Variants in TMPRSS4 observed in about 807,000 individuals in gnomAD.
TMPRSS4 encodes transmembrane protease serine 4.
A neutral mutation model predicts 56.4 loss-of-function variants in TMPRSS4; 45 were observed. That is an observed-to-expected ratio of 0.80 (90% confidence interval 0.63 to 1.02). TMPRSS4 has a LOEUF of 1.02. TMPRSS4 is among the 50% of genes least tolerant of loss of function. The pLI is 0.00. For synonymous variants in TMPRSS4, 205 were observed against 211.0 expected (o/e 0.97, Z 0.25); for missense variants, 546 against 556.7 (o/e 0.98, Z 0.19).
chr11:118,077,143 C>G lies in TMPRSS4; in HGVS notation c.-160C>G. On this transcript the variant is annotated 5_prime_UTR_variant, in exon 1 of 13. Transcript: ENST00000437212. ...GGACAAGGATGCTGGGCGTGAGGGA[C>G]CAAGGCCTGCCCTGCACTCGGGCCT... is the stretch of plus-strand genomic sequence containing the variant. The G allele has an allele frequency of 1.3e-6, 1 of 756,272 alleles. No individual in the cohort carries two copies. The highest frequency in any genetic ancestry group is 3.1e-5 in the Admixed American group (1 of 32,306). 46.8% of individuals were successfully genotyped at this position (756,272 alleles called of 1,614,324 possible).
At chr11:118,088,829 T>C (rs1305756664) in intron 1 of TMPRSS4, among the ~76,000 whole-genome samples, 2 of 152,236 alleles carry the variant, frequency 1.3e-5, no homozygotes, top group Non-Finnish European at 2.9e-5. Context: ...TTTGGTGACC[T>C]CTCAACTTCC....
At chr11:118,101,525 G>C (rs762141228) in intron 3 of TMPRSS4, among the ~76,000 whole-genome samples, 4 of 152,148 alleles carry the variant, frequency 2.6e-5, no homozygotes, top group Non-Finnish European at 4.4e-5. Flanking sequence ...TCCCAGGCTA[G>C]AGTGTAATCG....
intron 1 of TMPRSS4, among the ~76,000 whole-genome samples, chr11:118,091,176 A>C (rs1021867527): frequency 2.0e-5 from 3 of 152,044 alleles, no homozygotes; most frequent in Non-Finnish European, 4.4e-5. Context: ...CACCCAATCC[A>C]TCGGCGAGGC....
At chr11:118,102,572 G>A (rs1241401483) in intron 3 of TMPRSS4, among the ~76,000 whole-genome samples, 3 of 152,204 alleles carry the variant, frequency 2.0e-5, no homozygotes, top group Non-Finnish European at 1.5e-5. Flanking sequence ...AGCCAAGTGT[G>A]GTGGCATGTG....
intron 1 of TMPRSS4, among the ~76,000 whole-genome samples, chr11:118,078,569 G>A (rs144788575): frequency 1.2e-3 from 189 of 152,300 alleles, no homozygotes; most frequent in African/African-American, 4.3e-3. Flanking sequence ...CCAAGGAGGC[G>A]CCCCAAAGTT....
chr11:118,107,706 C>A, intron 5 of TMPRSS4, 68 bp from the exon 6 acceptor site: 1 of 1,370,770 alleles, frequency 7.3e-7, no homozygotes, highest in Non-Finnish European at 1.0e-6. Flanking sequence ...AAGTGGGGGC[C>A]AACTCTACCA....
chr11:118,096,828 A>G (rs752992651), intron 2 of TMPRSS4, among the ~76,000 whole-genome samples: 1,140 of 19,476 alleles, frequency 0.059, 458 homozygotes, highest in Non-Finnish European at 0.077. Flanking sequence ...AGAAAGAGAG[A>G]AAGAAAGAAG....
intron 4 of TMPRSS4, among the ~76,000 whole-genome samples, chr11:118,104,415 T>C (rs971461947): frequency 6.6e-6 from 1 of 151,932 alleles, no homozygotes. Context: ...CTGATACCTG[T>C]AAGAGCAAAA....
intron 11 of TMPRSS4, among the ~76,000 whole-genome samples, chr11:118,116,028 T>C (rs1947531088): frequency 1.9e-5 from 2 of 106,458 alleles, no homozygotes; most frequent in South Asian, 2.5e-4. Context: ...CCCGGCCTCA[T>C]TGGCCATCAG....
chr11:118,092,866 G>C (rs1049687157), intron 1 of TMPRSS4, among the ~76,000 whole-genome samples: 8 of 152,222 alleles, frequency 5.3e-5, no homozygotes, highest in Non-Finnish European at 1.2e-4. Flanking sequence ...GAGGGCAGAG[G>C]AAAGAGAGTT....
chr11:118,077,944 C>T (rs1367534466), intron 1 of TMPRSS4, among the ~76,000 whole-genome samples: 5 of 125,914 alleles, frequency 4.0e-5, no homozygotes, highest in East Asian at 2.7e-4. Flanking sequence ...ACTTGGGAGG[C>T]GGAGGTTGTG....
rs1046510311 is a variant in TMPRSS4 at position 118,121,569 on chromosome 11, G to A, written c.*3656G>A. 2.6e-5 allele frequency: 4 copies of A among 152,180 alleles called. No homozygotes were observed. The highest frequency in any genetic ancestry group is 7.2e-5 in the African/African-American group (3 of 41,434). The allele number at this position is 152,180 out of a possible 1,614,324, so 9.4% of individuals were successfully genotyped here. A position where few individuals can be genotyped will look rare whatever the true frequency, so the allele number is the denominator to read the frequency against. ...AGATGGGGTTTCACTGTGTTGGCCA[G>A]GCCGGTCTCAAACTCCCGACCTCAA... On this transcript the variant is annotated 3_prime_UTR_variant, in exon 13 of 13. Transcript: ENST00000437212.
intron 3 of TMPRSS4, chr11:118,102,879 G>T (rs2276128): frequency 0.32 from 183,645 of 568,470 alleles, 30,570 homozygotes; most frequent in Admixed American, 0.35. Flanking sequence ...TCTTGACTCC[G>T]CAGACATCTT....
At chr11:118,105,125 C>T (rs1206150057) in intron 5 of TMPRSS4, among the ~76,000 whole-genome samples, 1 of 152,174 alleles carries the variant, frequency 6.6e-6, no homozygotes, top group Non-Finnish European at 1.5e-5. Context: ...CAGTCCTCTC[C>T]TTTCCTTTAC....
rs183599165 is a variant in TMPRSS4 at position 118,085,384 on chromosome 11, C to A, written c.3+8079C>A. 8.0e-4 allele frequency among the ~76,000 whole-genome samples: 121 copies of A among 152,090 alleles called. 1 individual carries two copies. The highest frequency in any genetic ancestry group is 3.4e-3 in the Middle Eastern group (1 of 294). On this transcript the variant is annotated intron_variant, in intron 1 of 12. Transcript: ENST00000437212. ...GATTACAGGCACCTGCCACCACGCCCAGCTAATTTTTTGTATTTTTAGTAG... is the reference window on the plus strand; with the variant it reads ...GATTACAGGCACCTGCCACCACGCCAAGCTAATTTTTTGTATTTTTAGTAG...
At chr11:118,093,502 TG>T (rs1395654685) in intron 1 of TMPRSS4, among the ~76,000 whole-genome samples, 1 of 152,206 alleles carries the variant, frequency 6.6e-6, no homozygotes, top group Non-Finnish European at 1.5e-5. Context: ...TGCATTTTTT[TG>T]TATGTGAGCC....
chr11:118,078,013 C>CAAAAAAAAAAAAA (rs148383275), intron 1 of TMPRSS4, among the ~76,000 whole-genome samples: 3 of 71,050 alleles, frequency 4.2e-5, no homozygotes, highest in African/African-American at 5.5e-5. Context: ...AACTCCGTCT[C>CAAAAAAAAAAAAA]AAAAAAAAAA....
chr11:118,090,244 G>T (rs951679187), intron 1 of TMPRSS4, among the ~76,000 whole-genome samples: 8 of 152,260 alleles, frequency 5.3e-5, no homozygotes, highest in Middle Eastern at 3.4e-3. Context: ...CTGAGCTGAG[G>T]CTGAGTCCTC....
chr11:118,087,877 C>G (rs1355149870), intron 1 of TMPRSS4, among the ~76,000 whole-genome samples: 3 of 152,134 alleles, frequency 2.0e-5, no homozygotes, highest in African/African-American at 7.2e-5. Flanking sequence ...TCAATAAAGC[C>G]CCTCCTGGGA....
Sources: gnomAD v4.1 joint callset for allele counts (sites outside exome capture counted in the v4.1 genomes callset) on GRCh38, gnomAD v4.1.1 for gene constraint, MANE v1.5 for transcripts, NCBI Gene and HGNC (gene_info 2026-07-23, HGNC 2026-07-21) for gene names.